The following FSTL1 variants were observed in gnomAD, a reference collection of about 807,000 sequenced individuals.
FSTL1 encodes follistatin-related protein 1.
In FSTL1, 24 loss-of-function variants were observed where a neutral mutation model predicts 45.9. The ratio of observed to expected loss-of-function variants is 0.52; its 90% CI spans 0.38 to 0.74. FSTL1 has a LOEUF of 0.74. FSTL1 is among the 30% of genes least tolerant of loss of function. The probability of loss-of-function intolerance (pLI) is 0.00; values close to 1 mark genes in which losing one functional copy is unlikely to be tolerated. For missense variants in FSTL1, 340 were observed against 381.8 expected (o/e 0.89, Z 0.91); for synonymous variants, 120 against 137.6 (o/e 0.87, Z 0.89).
intron 2 of FSTL1, among the ~76,000 whole-genome samples, chr3:120,428,332 C>T (rs1937419149): frequency 6.6e-6 from 1 of 152,200 alleles, no homozygotes; most frequent in South Asian, 2.1e-4. Context: ...GTGAGACCAT[C>T]TGATACAATG....
intron 2 of FSTL1, among the ~76,000 whole-genome samples, chr3:120,430,130 A>G (rs1937451431): frequency 6.6e-6 from 1 of 152,188 alleles, no homozygotes; most frequent in Admixed American, 6.5e-5. Flanking sequence ...GCCAGCCTAG[A>G]TATTATGAGC....
intron 2 of FSTL1, among the ~76,000 whole-genome samples, chr3:120,438,871 G>GCTAT (rs1042436056): frequency 3.6e-4 from 55 of 152,324 alleles, no homozygotes; most frequent in Admixed American, 1.6e-3. Context: ...CAGCACTGCT[G>GCTAT]CTATCTTCAC....
Position 120,411,169 on chromosome 3 carries a change from T to G in FSTL1, c.299-185A>C, listed in dbSNP as rs1348996749. On this transcript the variant is annotated intron_variant, in intron 4 of 10. Coordinates refer to ENST00000295633, the MANE Select transcript of FSTL1 (RefSeq NM_007085.5). ...CCAGGTATGAGGATCTTCTGTCTCC[T>G]GCTTTGTCTGACAATTTAGGGCCAC... is the stretch of plus-strand genomic sequence containing the variant. The G allele has an allele frequency of 7.5e-6, 4 of 535,476 alleles. No homozygotes were observed. The African/African-American group carries it at 7.7e-5, about 10-fold the overall frequency. 33.2% of individuals were successfully genotyped at this position (535,476 alleles called of 1,614,324 possible). A position where few individuals can be genotyped will look rare whatever the true frequency, so the allele number is the denominator to read the frequency against.
chr3:120,437,963 G>A (rs1261454374), intron 2 of FSTL1, among the ~76,000 whole-genome samples: 1 of 152,124 alleles, frequency 6.6e-6, no homozygotes, highest in Non-Finnish European at 1.5e-5. Flanking sequence ...GATCTGACCA[G>A]AGATCAGGGC....
At chr3:120,407,822 C>T (rs757076082) in intron 6 of FSTL1, among the ~76,000 whole-genome samples, 2 of 152,128 alleles carry the variant, frequency 1.3e-5, no homozygotes, top group African/African-American at 4.8e-5. Context: ...TTCTTAGATG[C>T]CTGGTTGTGA....
chr3:120,447,572 G>A (rs1013207446), intron 2 of FSTL1, among the ~76,000 whole-genome samples: 2 of 152,186 alleles, frequency 1.3e-5, no homozygotes, highest in African/African-American at 2.4e-5. Context: ...GAAGCAATCA[G>A]AAAGCAACCC....
At chr3:120,411,824 C>T (rs1214512336) in intron 4 of FSTL1, 30 bp downstream of exon 4, 1 of 1,597,728 alleles carries the variant, frequency 6.3e-7, no homozygotes, top group Non-Finnish European at 8.6e-7. Context: ...GTGGCTAAAG[C>T]TGCCTTGCAG....
intron 2 of FSTL1, among the ~76,000 whole-genome samples, chr3:120,434,039 A>C (rs549026070): frequency 2.6e-5 from 4 of 152,230 alleles, no homozygotes; most frequent in African/African-American, 4.8e-5. Flanking sequence ...TGTTTTACAA[A>C]GATTACTCAG....
chr3:120,411,098 A>C, intron 4 of FSTL1, 114 bp from the exon 5 acceptor site: 1 of 715,234 alleles, frequency 1.4e-6, no homozygotes, highest in Non-Finnish European at 2.4e-6. Context: ...TAACCTTTTC[A>C]TCATTTTGTC....
At chr3:120,438,305 C>A (rs938201440) in intron 2 of FSTL1, 1 of 152,136 alleles carries the variant, frequency 6.6e-6, no homozygotes, top group African/African-American at 2.4e-5. Context: ...ACAAGGAGAC[C>A]CAGGATTCTT....
chr3:120,433,817 G>C (rs1937514321), intron 2 of FSTL1, among the ~76,000 whole-genome samples: 1 of 152,190 alleles, frequency 6.6e-6, no homozygotes, highest in East Asian at 1.9e-4. Context: ...TTCTGAAGCA[G>C]GGTGGAATTT....
At chr3:120,413,913 T>G (rs1298592974) in intron 3 of FSTL1, among the ~76,000 whole-genome samples, 1 of 151,500 alleles carries the variant, frequency 6.6e-6, no homozygotes, top group South Asian at 2.1e-4. Context: ...TGACTCAGCC[T>G]GCCCAGTGCC....
chr3:120,447,056 T>A (rs534813187), intron 2 of FSTL1, among the ~76,000 whole-genome samples: 137 of 152,194 alleles, frequency 9.0e-4, no homozygotes, highest in Admixed American at 2.2e-3. Flanking sequence ...TATGCTTGGG[T>A]ACTTGCCAGG....
At position 120,428,642 on chromosome 3, in the gene FSTL1, G is replaced by A. The variant is rs139718846; in HGVS notation, c.64-12615C>T. Among the ~76,000 whole-genome samples, 603 of 152,274 alleles carry A rather than the reference G, an allele frequency of 4.0e-3. 3 individuals are homozygous for A. The highest frequency in any genetic ancestry group is 0.014 in the African/African-American group (563 of 41,544). On this transcript the variant is annotated intron_variant, in intron 2 of 10. Transcript: ENST00000295633. ...CCAGCTACTCTGGAGGCTGAGGCAC[G>A]AGAATCGCTTGAACCTGGAAGGCAG... is the stretch of plus-strand genomic sequence containing the variant.
At chr3:120,441,771 C>T (rs1183334754) in intron 2 of FSTL1, among the ~76,000 whole-genome samples, 1 of 152,222 alleles carries the variant, frequency 6.6e-6, no homozygotes, top group East Asian at 1.9e-4. Flanking sequence ...TGTGCCAAAA[C>T]ACTCTGCTTT....
At chr3:120,400,094 T>C in intron 9 of FSTL1, 135 bp from the exon 10 acceptor site, 1 of 678,946 alleles carries the variant, frequency 1.5e-6, no homozygotes, top group Admixed American at 2.2e-5. Context: ...CCACATTTTC[T>C]GAGTATGAAG....
intron 7 of FSTL1, among the ~76,000 whole-genome samples, chr3:120,403,962 A>C (rs1394377227): frequency 1.6e-5 from 1 of 61,784 alleles, no homozygotes; most frequent in East Asian, 8.6e-4. Context: ...AAAACAAAAC[A>C]AAAACAAAAA....
intron 2 of FSTL1, among the ~76,000 whole-genome samples, chr3:120,433,245 C>T (rs1164339808): frequency 6.6e-6 from 1 of 152,196 alleles, no homozygotes; most frequent in African/African-American, 2.4e-5. Context: ...GCTTAACTTC[C>T]AACTTCACCT....
chr3:120,407,508 T>C (rs541526305), intron 6 of FSTL1, among the ~76,000 whole-genome samples: 10 of 152,244 alleles, frequency 6.6e-5, no homozygotes, highest in Non-Finnish European at 1.2e-4. Flanking sequence ...CTGGTTATGG[T>C]GAAAGTCAGA....
Sources: allele counts gnomAD v4.1 joint callset (sites outside exome capture counted in the v4.1 genomes callset), GRCh38; gene constraint gnomAD v4.1.1; transcripts MANE v1.5; gene names NCBI Gene and HGNC (gene_info 2026-07-23, HGNC 2026-07-21).